Variants in WNK2 observed in about 807,000 individuals in gnomAD.
WNK2 encodes serine/threonine-protein kinase WNK2.
In WNK2, 67 loss-of-function variants were observed where a neutral mutation model predicts 192.1. The observed-to-expected ratio is 0.35, with a 90% CI of 0.29 to 0.43. WNK2 has a LOEUF of 0.43. WNK2 is among the 20% of genes least tolerant of loss of function. The probability of loss-of-function intolerance (pLI) is 1.00; values close to 1 mark genes in which losing one functional copy is unlikely to be tolerated. For synonymous variants in WNK2, 1,439 were observed against 1,393.9 expected, an observed-to-expected ratio of 1.03 and a Z score of -0.72; for missense variants, 2,698 against 3,089.7, an observed-to-expected ratio of 0.87 and a Z score of 3.01.
chr9:93,262,694 C>T lies in WNK2; in HGVS notation c.3385C>T (p.Pro1129Ser). 2 of 1,612,470 alleles carry T rather than the reference C, an allele frequency of 1.2e-6. No individual in the cohort carries two copies. Among genetic ancestry groups the T allele is most frequent in the Non-Finnish European group, 8.5e-7 (1 of 1,179,896 alleles). Residue 1129 changes from proline to serine, a missense_variant, in exon 14 of 30, where the codon CCC (proline) becomes TCC (serine). Pro to Ser is a moderately conservative substitution (Grantham distance 74). Transcript: ENST00000427277. Reference sequence around the variant, plus strand: ...GGAGCAGGCCTCACAGGACAAGCCGCCCGGCCTCCCGCAGAGCTGTGAGAG... The same window carrying T: ...GGAGCAGGCCTCACAGGACAAGCCGTCCGGCCTCCCGCAGAGCTGTGAGAG... ...QEEQASQDKP[P>S]GLPQSCESYG...
chr9:93,187,709 C>T (rs1200831282), intron 2 of WNK2, among the ~76,000 whole-genome samples: 1 of 152,082 alleles, frequency 6.6e-6, no homozygotes, highest in Non-Finnish European at 1.5e-5. Context: ...GGGAGGAGGG[C>T]CCCTGCCTGT....
chr9:93,217,514 T>C (rs1835962700), intron 2 of WNK2, among the ~76,000 whole-genome samples: 1 of 152,154 alleles, frequency 6.6e-6, no homozygotes, highest in Admixed American at 6.5e-5. Context: ...GCCGTCTCGG[T>C]TGTGGTCCCC....
intron 28 of WNK2, 53 bp downstream of exon 28, chr9:93,308,637 C>A: frequency 2.0e-6 from 3 of 1,498,072 alleles, no homozygotes; most frequent in Non-Finnish European, 2.7e-6. Flanking sequence ...AGCCTTGCCT[C>A]CAGCATTTGC....
chr9:93,251,841 G>A (rs1032244418), intron 8 of WNK2, among the ~76,000 whole-genome samples: 5 of 152,100 alleles, frequency 3.3e-5, no homozygotes, highest in East Asian at 1.9e-4. Context: ...GTGACCACTC[G>A]GCTCATTAAA....
chr9:93,296,689 T>C (rs1239356942), intron 23 of WNK2, among the ~76,000 whole-genome samples: 1 of 17,830 alleles, frequency 5.6e-5, no homozygotes, highest in Non-Finnish European at 1.0e-4. Flanking sequence ...CCTCCTCCCC[T>C]CTCCATTCTC....
intron 19 of WNK2, chr9:93,269,058 C>G (rs1026448283): frequency 2.0e-6 from 2 of 994,502 alleles, no homozygotes; most frequent in Non-Finnish European, 3.0e-6. Flanking sequence ...CTGGCAACTC[C>G]TTGCTCCTGT....
rs35468086 is a variant in WNK2 at position 93,250,782 on chromosome 9, CT to C, written c.1835-2081del. On this transcript the variant is annotated intron_variant, in intron 8 of 29. Transcript: ENST00000427277. Reference sequence around the variant, plus strand: ...ATTGTGTAATTAATGAACTCATTCACTTTTTTTTTTTTTTTTTTTTGAGACG... The same window carrying C: ...ATTGTGTAATTAATGAACTCATTCACTTTTTTTTTTTTTTTTTTTGAGACG... 4.2e-3 allele frequency among the ~76,000 whole-genome samples: 494 copies of C among 118,578 alleles called. 1 individual carries two copies. Among genetic ancestry groups the C allele is most frequent in the Middle Eastern group, 0.029 (5 of 172 alleles). The allele number at this position is 118,578 out of a possible 152,430, so 77.8% of individuals were successfully genotyped here. A position where few individuals can be genotyped will look rare whatever the true frequency, so the allele number is the denominator to read the frequency against.
In WNK2 at chr9:93,259,142, C is replaced by A; in HGVS notation, c.2594C>A (p.Pro865His). Reference sequence around the variant, plus strand: ...CAGGCTGTGAAGCTGCCCCACCCCCCTGGGGCGCCCCTGGCCATGCCCTGC... The same window carrying A: ...CAGGCTGTGAAGCTGCCCCACCCCCATGGGGCGCCCCTGGCCATGCCCTGC... ...PLQAVKLPHP[P>H]GAPLAMPCRT... is the part of the protein sequence containing the mutation. Residue 865 changes from proline to histidine, a missense_variant, in exon 12 of 30, where the codon CCT becomes CAT. Physicochemically the swap from Pro to His is moderately conservative, Grantham distance 77. Transcript: ENST00000427277. The surrounding 1 kb of genome is among the most constrained non-coding windows in gnomAD (Gnocchi z 4.8). 6.2e-7 allele frequency: 1 copy of A among 1,611,834 alleles called. No homozygotes were observed. Among genetic ancestry groups the A allele is most frequent in the East Asian group, 2.2e-5 (1 of 44,854 alleles).
chr9:93,241,513 A>T (rs1840758286), intron 7 of WNK2, among the ~76,000 whole-genome samples: 1 of 152,184 alleles, frequency 6.6e-6, no homozygotes, highest in South Asian at 2.1e-4. Context: ...TTCCAGGCTG[A>T]TGATTCTTCC....
In WNK2 at chr9:93,298,116, C is replaced by G. The variant is rs183681890; in HGVS notation, c.5923+49C>G. The stretch of plus-strand genomic sequence containing the variant: ...GGATGGGAGCGGGGCTGGGGACCCC[C>G]GAGTGAGCCTGGGAGGTAGGCTCCG... On this transcript the variant is annotated intron_variant, in intron 24 of 29. Coordinates refer to ENST00000427277, the MANE Select transcript of WNK2 (RefSeq NM_006648.4). The G allele has an allele frequency of 1.4e-5, 22 of 1,537,200 alleles. No individual in the cohort carries two copies. The Admixed American group carries it at 3.7e-4, about 26-fold the overall frequency.
rs1829054054 is a variant in WNK2 at position 93,185,174 on chromosome 9, G to T, written c.245G>T (p.Arg82Leu). The T allele has an allele frequency of 8.2e-7, 1 of 1,217,740 alleles. No individual in the cohort carries two copies. The highest frequency in any genetic ancestry group is 1.0e-6 in the Non-Finnish European group (1 of 973,442). 75.4% of individuals were successfully genotyped at this position (1,217,740 alleles called of 1,614,324 possible). A position where few individuals can be genotyped will look rare whatever the true frequency, so the allele number is the denominator to read the frequency against. The change falls in exon 2 of 30, where the codon CGC becomes CTC. Residue 82 changes from arginine (R) to leucine (L), a missense_variant. By Grantham distance (102) the Arg-to-Leu change is moderately radical. Transcript: ENST00000427277. The part of the protein sequence containing the change: ...QRRVLLLCKT[R>L]RLIAERARGR... The stretch of plus-strand genomic sequence containing the variant: ...CGGGTGCTTCTGCTCTGCAAGACGC[G>T]CCGCCTCATCGCGGAGCGCGCCCGC...
Position 93,239,795 on chromosome 9 carries a change from C to A in WNK2, c.1361C>A (p.Ala454Glu), listed in dbSNP as rs755413156. Residue 454 changes from alanine (A) to glutamate (E), a missense_variant, in exon 7 of 30, where the codon GCA (alanine) becomes GAA (glutamate). Ala to Glu is a moderately radical substitution (Grantham distance 107). This residue lies in a region of WNK2 where 230 missense variants were observed against 501.1 expected (regional missense o/e 0.46). Coordinates refer to ENST00000427277, the MANE Select transcript of WNK2 (RefSeq NM_006648.4). The surrounding 1 kb of genome is among the most constrained non-coding windows in gnomAD (Gnocchi z 4.2). ...IKDLLSHAFF[A>E]EDTGVRVELA... ...GACCTGCTGAGCCACGCCTTCTTCG[C>A]AGAGGACACAGGCGTGAGGGTGGAG... The A allele has an allele frequency of 1.3e-6, 2 of 1,572,268 alleles. No homozygotes were observed. Among genetic ancestry groups the A allele is most frequent in the South Asian group, 2.3e-5 (2 of 85,468 alleles).
chr9:93,313,397 TAA>T (rs202199137), intron 28 of WNK2, among the ~76,000 whole-genome samples: 6 of 144,088 alleles, frequency 4.2e-5, no homozygotes, highest in Non-Finnish European at 4.6e-5. Flanking sequence ...CCTGTATCTT[TAA>T]AAAAAAAAAA....
intron 2 of WNK2, among the ~76,000 whole-genome samples, chr9:93,214,768 A>G (rs190689071): frequency 2.3e-5 from 3 of 128,292 alleles, no homozygotes; most frequent in African/African-American, 8.8e-5. Context: ...TAGGAGTTTT[A>G]TACTGTAATA....
intron 7 of WNK2, among the ~76,000 whole-genome samples, chr9:93,242,000 C>A (rs1188039594): frequency 6.6e-6 from 1 of 152,190 alleles, no homozygotes; most frequent in African/African-American, 2.4e-5. Flanking sequence ...CCTAACCTCA[C>A]CACAGCTGTA....
At chr9:93,198,931 C>T (rs1366076841) in intron 2 of WNK2, among the ~76,000 whole-genome samples, 1 of 152,302 alleles carries the variant, frequency 6.6e-6, no homozygotes, top group East Asian at 1.9e-4. Flanking sequence ...TCGGGGCCTC[C>T]TCGGGTGTGA....
rs768521889 is a variant in WNK2 at position 93,259,558 on chromosome 9, C to T, written c.3010C>T (p.Pro1004Ser). 5.0e-6 allele frequency: 8 copies of T among 1,594,162 alleles called. No homozygotes were observed. The highest frequency in any genetic ancestry group is 3.4e-5 in the Admixed American group (2 of 59,248). ...GCCGGCACTGCCTGTGCGCCCTGAG[C>T]CCCTCCAGCCCCACCTTCCTGAACA... ...PQPALPVRPE[P>S]LQPHLPEQAA... Residue 1004 changes from proline to serine, a missense_variant, in exon 12 of 30, where the codon CCC becomes TCC. This residue lies in a region of WNK2 where 893 missense variants were observed against 909.0 expected (regional missense o/e 0.98). Coordinates refer to ENST00000427277, the MANE Select transcript of WNK2 (RefSeq NM_006648.4). This position sits in a 1 kb window ranked among gnomAD's most constrained non-coding sequence, Gnocchi z 4.8.
rs1329933222 is a variant in WNK2, at chr9:93,308,294, C to G, written c.6260-34C>G. On this transcript the variant is annotated intron_variant, in intron 27 of 29. Transcript: ENST00000427277. Reference sequence around the variant, plus strand: ...ACTGGGGGCCTGGGTGCGTGTGTGGCGTCACCAATCCTGGCCTGTGTGTGA... The same window carrying G: ...ACTGGGGGCCTGGGTGCGTGTGTGGGGTCACCAATCCTGGCCTGTGTGTGA... 27 of 1,538,476 alleles carry G rather than the reference C, an allele frequency of 1.8e-5. No individual in the cohort carries two copies. The East Asian group carries it at 6.4e-4, about 36-fold the overall frequency.
Position 93,292,659 on chromosome 9 carries a change from C to T in WNK2, c.5194C>T (p.Arg1732Cys), listed in dbSNP as rs1270430893. The change falls in exon 23 of 30, where the codon CGT becomes TGT. Residue 1732 changes from arginine (R) to cysteine (C), a missense_variant. Around this residue, in one of 7 missense-constraint regions of WNK2, gnomAD observed 1,098 missense variants for 1,101.0 expected, o/e 1.00. Coordinates refer to ENST00000427277, the MANE Select transcript of WNK2 (RefSeq NM_006648.4). Reference protein sequence around the residue: ...GARALGSPRKRPEQQDVSSPA... With the variant: ...GARALGSPRKCPEQQDVSSPA... ...TCGAGCTTTGGGGTCCCCTCGGAAA[C>T]GTCCAGAGCAGCAGGATGTCAGCTC... The T allele has an allele frequency of 8.2e-6, 13 of 1,579,668 alleles. No individual in the cohort carries two copies. Among genetic ancestry groups the T allele is most frequent in the Middle Eastern group, 1.7e-4 (1 of 6,056 alleles).
Sources: gnomAD v4.1 joint callset for allele counts (sites outside exome capture counted in the v4.1 genomes callset) on GRCh38, gnomAD v4.1.1 for gene constraint, gnomAD v4.1.1 regional missense constraint, Gnocchi (gnomAD v3.1) non-coding constraint, MANE v1.5 for transcripts, NCBI Gene and HGNC (gene_info 2026-07-23, HGNC 2026-07-21) for gene names.